Variants in TLE2 observed in about 807,000 individuals in gnomAD.
The protein encoded by TLE2 is TLE family member 2, transcriptional corepressor.
Under a neutral mutation model 97.2 loss-of-function variants are expected in TLE2, and 74 were observed. The ratio of observed to expected loss-of-function variants is 0.76; its 90% CI spans 0.63 to 0.92. The LOEUF (loss-of-function observed/expected upper bound fraction) is 0.92. Among genes scored for constraint, TLE2 ranks in the 40% least tolerant of loss-of-function variants. The pLI is 0.00. For missense variants in TLE2, 1,038 were observed against 1,008.7 expected (o/e 1.03, Z -0.39); for synonymous variants, 499 against 432.1 (o/e 1.15, Z -1.92).
chr19:3,028,960 G>C lies in TLE2; in HGVS notation c.-56C>G. The C allele has an allele frequency of 6.3e-7, 1 of 1,591,658 alleles. No homozygotes were observed. The highest frequency in any genetic ancestry group is 8.5e-7 in the Non-Finnish European group (1 of 1,170,256). On this transcript the variant is annotated 5_prime_UTR_variant, in exon 1 of 20. Transcript: ENST00000262953. ...ACCAGAGCTTGATGATATGGAGGCGGCAAGAGTGGGGGAGGCTGAAGTGGG... is the reference window on the plus strand; with the variant it reads ...ACCAGAGCTTGATGATATGGAGGCGCCAAGAGTGGGGGAGGCTGAAGTGGG...
At chr19:2,999,787 C>T (rs899382347) in intron 19 of TLE2, among the ~76,000 whole-genome samples, 9 of 149,214 alleles carry the variant, frequency 6.0e-5, no homozygotes, top group Non-Finnish European at 1.2e-4. Context: ...AATCCCAACA[C>T]TTTGGGAGGC....
chr19:3,020,030 C>A, intron 5 of TLE2: 1 of 517,984 alleles, frequency 1.9e-6, no homozygotes, highest in South Asian at 2.4e-5. Context: ...CGCCTGGAAT[C>A]CCAGCGCTTT....
At chr19:3,011,806 C>T (rs1007981925) in intron 11 of TLE2, among the ~76,000 whole-genome samples, 6 of 151,980 alleles carry the variant, frequency 3.9e-5, no homozygotes, top group Non-Finnish European at 8.8e-5. Context: ...GCCGAGATCA[C>T]GCCATTGCAC....
chr19:3,023,807 G>A (rs1016459853), intron 5 of TLE2, among the ~76,000 whole-genome samples: 8 of 151,476 alleles, frequency 5.3e-5, no homozygotes, highest in Middle Eastern at 6.3e-3. Flanking sequence ...CATGAGAATC[G>A]CTTGCACCCA....
At chr19:3,025,773 C>CCTCCTGGTGGGA in intron 4 of TLE2, 1 of 222,876 alleles carries the variant, frequency 4.5e-6, no homozygotes, top group Non-Finnish European at 7.5e-6. Context: ...CTATTCCCAC[C>CCTCCTGGTGGGA]AGGAGGGTGG....
chr19:3,011,326 G>A (rs551821544), intron 11 of TLE2, among the ~76,000 whole-genome samples, 166 bp from the exon 12 acceptor site: 12 of 152,030 alleles, frequency 7.9e-5, no homozygotes, highest in African/African-American at 2.2e-4. Context: ...TCAGGAGTTC[G>A]AGACCAGCCT....
intron 1 of TLE2, among the ~76,000 whole-genome samples, chr19:3,037,704 TG>T (rs975187107): frequency 9.9e-5 from 15 of 152,274 alleles, no homozygotes; most frequent in Non-Finnish European, 1.8e-4. Flanking sequence ...ACTGGGCGGC[TG>T]GGGGAGAAGT....
chr19:3,017,262 C>T (rs745425977), intron 8 of TLE2, among the ~76,000 whole-genome samples: 69 of 151,608 alleles, frequency 4.6e-4, no homozygotes, highest in Admixed American at 7.2e-4. Flanking sequence ...CTTGACCTCC[C>T]GAGTAGCTGG....
Position 3,009,524 on chromosome 19 carries a change from C to A in TLE2, c.1173+18G>T, listed in dbSNP as rs371895489. ...TGGGCCCTGCTGACACCTCCTGCGC[C>A]CCCACCCAAGGACTCACCACGGGGG... On this transcript the variant is annotated intron_variant, in intron 13 of 19. Coordinates refer to ENST00000262953, the MANE Select transcript of TLE2 (RefSeq NM_003260.5). 17 of 1,574,228 alleles carry A rather than the reference C, an allele frequency of 1.1e-5. No individual in the cohort carries two copies. Among genetic ancestry groups the A allele is most frequent in the Non-Finnish European group, 1.5e-5 (17 of 1,160,848 alleles).
rs1210589810 is a variant in TLE2 at position 3,006,578 on chromosome 19, C to A, written c.1342G>T (p.Ala448Ser). 5 of 1,604,404 alleles carry A rather than the reference C, an allele frequency of 3.1e-6. No homozygotes were observed. Among genetic ancestry groups the A allele is most frequent in the South Asian group, 1.1e-5 (1 of 89,670 alleles). ...ALVGAGIPRHARQLHTLAHGE... is the reference protein window; with the variant it reads ...ALVGAGIPRHSRQLHTLAHGE... ...TGGGCCAGCGTGTGCAGCTGCCGGG[C>A]GTGCCGCGGGATGCCCGCGCCTACC... is the stretch of plus-strand genomic sequence containing the variant. Residue 448 changes from alanine (A) to serine (S), a missense_variant, in exon 15 of 20, where the codon GCC becomes TCC. By Grantham distance (99) the Ala-to-Ser change is moderately conservative (BLOSUM62 1). Transcript: ENST00000262953.
At chr19:3,000,824 C>CTTTT (rs4061734) in intron 18 of TLE2, 101 bp from the exon 19 acceptor site, 114 of 505,002 alleles carry the variant, frequency 2.3e-4, no homozygotes, top group Middle Eastern at 1.1e-3. Context: ...TGGCCTCTCC[C>CTTTT]TTTTTTTTTT....
rs1705394542 is a variant in TLE2 at position 3,005,550 on chromosome 19, T to G, written c.1783A>C (p.Ile595Leu). The G allele has an allele frequency of 3.1e-6, 5 of 1,613,386 alleles. No homozygotes were observed. The highest frequency in any genetic ancestry group is 1.1e-5 in the South Asian group (1 of 91,024). ...FQGHTDGASC[I>L]DISDYGTRLW... ...CGAGTGCCGTAATCGGAAATATCAA[T>G]GCAGCTGGCGCCGTCCGTGTGGCCC... The change falls in exon 17 of 20, where the codon ATT (isoleucine) becomes CTT (leucine). Residue 595 changes from isoleucine (I) to leucine (L), a missense_variant. By Grantham distance (5) the Ile-to-Leu change is conservative. Coordinates refer to ENST00000262953, the MANE Select transcript of TLE2 (RefSeq NM_003260.5).
At chr19:3,000,793 C>G in intron 18 of TLE2, 70 bp from the exon 19 acceptor site, 4 of 1,087,878 alleles carry the variant, frequency 3.7e-6, no homozygotes, top group Non-Finnish European at 5.4e-6. Flanking sequence ...AGGGGGAGGT[C>G]GGGGAAGCTG....
chr19:3,041,310 A>T (rs942239199), intron 1 of TLE2, among the ~76,000 whole-genome samples: 1 of 151,974 alleles, frequency 6.6e-6, no homozygotes, highest in Non-Finnish European at 1.5e-5. Flanking sequence ...TACAGGAGTG[A>T]GCCCCCGCGC....
chr19:3,001,553 A>C (rs1015997883), intron 18 of TLE2, among the ~76,000 whole-genome samples: 7 of 151,906 alleles, frequency 4.6e-5, no homozygotes, highest in Non-Finnish European at 7.4e-5. Context: ...TGATGTCATC[A>C]TAGCTCCCTA....
At chr19:3,046,942 C>T (rs1452085541), upstream of TLE2, among the ~76,000 whole-genome samples, 1 of 122,172 alleles carries the variant, frequency 8.2e-6, no homozygotes, top group African/African-American at 3.0e-5. Flanking sequence ...GCCTCCCCCT[C>T]CTCCTCCCTT....
At chr19:3,024,956 C>T in intron 5 of TLE2, 64 bp downstream of exon 5, 2 of 1,447,298 alleles carry the variant, frequency 1.4e-6, no homozygotes, top group Non-Finnish European at 1.9e-6. Context: ...CTCGCCCAGA[C>T]CTACCCCCTC....
rs1408499534 is a variant in TLE2 at position 3,029,070 on chromosome 19, AGC to A, written c.-168_-167del. ...CCCTGGAGTCCCTGGCGCGCCCCCAAGCGCGCGCGCCCGGGGTCGTGGGAGCC... is the reference window on the plus strand; with the variant it reads ...CCCTGGAGTCCCTGGCGCGCCCCCAAGCGCGCGCCCGGGGTCGTGGGAGCC... On this transcript the variant is annotated 5_prime_UTR_variant, in exon 1 of 20. Coordinates refer to ENST00000262953, the MANE Select transcript of TLE2 (RefSeq NM_003260.5). The A allele has an allele frequency of 3.1e-6, 4 of 1,297,216 alleles. No individual in the cohort carries two copies. Among genetic ancestry groups the A allele is most frequent in the Non-Finnish European group, 3.9e-6 (4 of 1,020,166 alleles). 80.4% of individuals were successfully genotyped at this position (1,297,216 alleles called of 1,614,324 possible). A position where few individuals can be genotyped will look rare whatever the true frequency, so the allele number is the denominator to read the frequency against.
In TLE2 at chr19:3,029,176, G is replaced by T. The variant is rs1599248135; in HGVS notation, c.-272C>A. 26 of 746,116 alleles carry T rather than the reference G, an allele frequency of 3.5e-5. No individual in the cohort carries two copies. Among genetic ancestry groups the T allele is most frequent in the Non-Finnish European group, 4.1e-5 (25 of 613,964 alleles). The allele number at this position is 746,116 out of a possible 1,614,324, so 46.2% of individuals were successfully genotyped here. Reference sequence around the variant, plus strand: ...GGGCGGGAGCGCGGCGAGGGCGGCCGCGGCAGCCGGCGCAGAAGGTCGGGC... The same window carrying T: ...GGGCGGGAGCGCGGCGAGGGCGGCCTCGGCAGCCGGCGCAGAAGGTCGGGC... On this transcript the variant is annotated 5_prime_UTR_variant, in exon 1 of 20. Coordinates refer to ENST00000262953, the MANE Select transcript of TLE2 (RefSeq NM_003260.5).
Sources: gnomAD v4.1 joint callset for allele counts (sites outside exome capture counted in the v4.1 genomes callset) on GRCh38, gnomAD v4.1.1 for gene constraint, MANE v1.5 for transcripts, NCBI Gene and HGNC (gene_info 2026-07-23, HGNC 2026-07-21) for gene names.